TEX9: variants seen among roughly 807,000 people sequenced by gnomAD.
TEX9 encodes testis expressed 9.
TEX9 carries 74 observed loss-of-function variants against 59.6 expected under a neutral mutation model. The ratio of observed to expected loss-of-function variants is 1.24; its 90% CI spans 1.03 to 1.51. The LOEUF (loss-of-function observed/expected upper bound fraction) is 1.51. Among genes scored for constraint, TEX9 ranks in the 40% most tolerant of loss-of-function variants. The probability of loss-of-function intolerance (pLI) is 0.00; values close to 1 mark genes in which losing one functional copy is unlikely to be tolerated. For missense variants in TEX9, 522 were observed against 447.8 expected (o/e 1.17, Z -1.49); for synonymous variants, 186 against 152.2 (o/e 1.22, Z -1.64).
At chr15:56,365,830 C>T in intron 2 of TEX9, 160 bp downstream of exon 2, 1 of 1,442,268 alleles carries the variant, frequency 6.9e-7, no homozygotes, top group Admixed American at 2.8e-5. Context: ...CTTTCTTTGT[C>T]TTTGATCTGA....
chr15:56,266,340 T>A (rs1293338702), intron 1 of TEX9, among the ~76,000 whole-genome samples: 1 of 151,636 alleles, frequency 6.6e-6, no homozygotes, highest in Non-Finnish European at 1.5e-5. Context: ...TTTTTTTTTT[T>A]AGTACTTTAA....
upstream of TEX9, among the ~76,000 whole-genome samples, chr15:56,361,883 C>A (rs1567097658): frequency 1.3e-5 from 2 of 152,242 alleles, no homozygotes; most frequent in South Asian, 2.1e-4. Flanking sequence ...GAAAGAGTCT[C>A]CCCTGCAGGT....
chr15:56,430,466 AAAGT>A (rs2050557084), intron 12 of TEX9, among the ~76,000 whole-genome samples: 1 of 152,148 alleles, frequency 6.6e-6, no homozygotes, highest in South Asian at 2.1e-4. Flanking sequence ...TCAGCCTCCC[AAAGT>A]GCTGGGATTA....
intron 1 of TEX9, among the ~76,000 whole-genome samples, chr15:56,331,172 A>G (rs72740562): frequency 0.07 from 10,592 of 152,244 alleles, 464 homozygotes; most frequent in Non-Finnish European, 0.1. Flanking sequence ...TATTAGAGGT[A>G]ATGAGAGAGA....
intron 1 of TEX9, among the ~76,000 whole-genome samples, chr15:56,284,560 GA>G (rs1181175053): frequency 6.6e-6 from 1 of 152,022 alleles, no homozygotes; most frequent in Non-Finnish European, 1.5e-5. Flanking sequence ...TTGCGTTAAA[GA>G]AGGAAATATA....
At chr15:56,291,920 T>A (rs1276069255) in intron 1 of TEX9, among the ~76,000 whole-genome samples, 1 of 152,244 alleles carries the variant, frequency 6.6e-6, no homozygotes, top group Non-Finnish European at 1.5e-5. Flanking sequence ...GGCACATGAC[T>A]GTGGCATCCT....
At chr15:56,426,399 C>A (rs770630476) in intron 10 of TEX9, among the ~76,000 whole-genome samples, 1 of 151,252 alleles carries the variant, frequency 6.6e-6, no homozygotes, top group Non-Finnish European at 1.5e-5. Flanking sequence ...CTTAGTTAGG[C>A]AGTCTCTTGG....
intron 1 of TEX9, among the ~76,000 whole-genome samples, chr15:56,325,354 A>C (rs1228157444): frequency 6.6e-6 from 1 of 152,172 alleles, no homozygotes; most frequent in Non-Finnish European, 1.5e-5. Context: ...GTTTTTGAAA[A>C]CAGAACACAT....
chr15:56,279,399 T>G (rs2044760462), intron 1 of TEX9, among the ~76,000 whole-genome samples: 1 of 152,202 alleles, frequency 6.6e-6, no homozygotes, highest in South Asian at 2.1e-4. Context: ...GTGTCAAAGA[T>G]TTCTTAACTC....
chr15:56,302,549 C>G (rs148863437), intron 1 of TEX9, among the ~76,000 whole-genome samples: 2 of 151,148 alleles, frequency 1.3e-5, no homozygotes, highest in South Asian at 4.2e-4. Flanking sequence ...AACAAACCTA[C>G]GAAAGATACA....
intron 1 of TEX9, among the ~76,000 whole-genome samples, chr15:56,256,562 G>C (rs887611490): frequency 2.6e-5 from 4 of 151,856 alleles, no homozygotes; most frequent in African/African-American, 9.7e-5. Context: ...AAATGTTGGG[G>C]GTTGGGGTGG....
chr15:56,453,577 G>C, the TEX9 span, among the ~76,000 whole-genome samples: 1 of 151,828 alleles, frequency 6.6e-6, no homozygotes, highest in Admixed American at 6.5e-5. Flanking sequence ...TGAGATATGA[G>C]GTACTTGCTT....
intron 10 of TEX9, among the ~76,000 whole-genome samples, chr15:56,416,243 C>G (rs2049678689): frequency 6.6e-6 from 1 of 151,834 alleles, no homozygotes; most frequent in Non-Finnish European, 1.5e-5. Flanking sequence ...GTTAGGACTT[C>G]CAATACTATG....
At position 56,383,964 on chromosome 15, in the gene TEX9, G is replaced by T. The variant is rs1287860591; in HGVS notation, c.196G>T (p.Glu66Ter). Residue 66 changes from glutamate to a stop codon, truncating the protein, a stop_gained, in exon 4 of 13, where the codon GAA becomes TAA. Coordinates refer to ENST00000352903, the Ensembl canonical transcript of TEX9. LOFTEE classifies it high-confidence loss of function. ...TTACTCATTTAAGAGAGATCGGCAA[G>T]AAGTACGATCTAGGCCTGTTTCAAC... The T allele has an allele frequency of 6.2e-7, 1 of 1,611,128 alleles. No homozygotes were observed. The highest frequency in any genetic ancestry group is 1.3e-5 in the African/African-American group (1 of 74,902).
Position 56,394,158 on chromosome 15 carries a change from T to C in TEX9, c.572-7T>C, listed in dbSNP as rs1229210807. On this transcript the variant is annotated splice_region_variant and splice_polypyrimidine_tract_variant and intron_variant, in intron 7 of 12. Transcript: ENST00000352903. Reference sequence around the variant, plus strand: ...AAGACAGTAAATATAATTATTTAAATTCACAGAAGCACAGATCAGATTTCT... The same window carrying C: ...AAGACAGTAAATATAATTATTTAAACTCACAGAAGCACAGATCAGATTTCT... 1 of 1,604,734 alleles carries C rather than the reference T, an allele frequency of 6.2e-7. No homozygotes were observed.
chr15:56,274,166 T>A (rs1258484931), intron 1 of TEX9, among the ~76,000 whole-genome samples: 1 of 151,450 alleles, frequency 6.6e-6, no homozygotes, highest in Non-Finnish European at 1.5e-5. Context: ...TCTGAGCCGT[T>A]TTTATTTACC....
chr15:56,361,104 G>A (rs540710149), upstream of TEX9, among the ~76,000 whole-genome samples: 28 of 152,208 alleles, frequency 1.8e-4, 1 homozygote, highest in African/African-American at 6.7e-4. Flanking sequence ...ACACAGAACA[G>A]GTTACTTGGA....
intron 1 of TEX9, among the ~76,000 whole-genome samples, chr15:56,307,088 G>A (rs892844249): frequency 6.6e-6 from 1 of 152,112 alleles, no homozygotes; most frequent in African/African-American, 2.4e-5. Flanking sequence ...TTCCTGGGGG[G>A]AAAATGACTA....
intron 1 of TEX9, among the ~76,000 whole-genome samples, chr15:56,315,821 C>G (rs2045743181): frequency 1.3e-5 from 2 of 148,614 alleles, no homozygotes; most frequent in South Asian, 4.3e-4. Flanking sequence ...TTCACATAGT[C>G]CCATATTTCT....
Sources: gnomAD v4.1 joint callset for allele counts (sites outside exome capture counted in the v4.1 genomes callset) on GRCh38, gnomAD v4.1.1 for gene constraint, MANE v1.5 for transcripts, NCBI Gene and HGNC (gene_info 2026-07-23, HGNC 2026-07-21) for gene names.